RNPS1: variants seen among roughly 807,000 people sequenced by gnomAD.
RNPS1 encodes RNA-binding protein with serine-rich domain 1.
For missense variants in RNPS1, 300 were observed against 427.6 expected (o/e 0.70, Z 2.63); for synonymous variants, 147 against 150.0 (o/e 0.98, Z 0.15).
intron 1 of RNPS1, chr16:2,267,409 T>A: frequency 1.0e-6 from 1 of 979,202 alleles, no homozygotes; most frequent in Non-Finnish European, 1.2e-6. Context: ...AACCTTCCCG[T>A]ATCCGCCCCT....
Position 2,264,225 on chromosome 16 carries a change from C to T in RNPS1, c.178G>A (p.Asp60Asn), listed in dbSNP as rs1404425784. ...GCGCTGCGCCTCTTTCGGGTTTTGT[C>T]CCGGCCGCGATCCTTCTCACTCGAC... is the stretch of plus-strand genomic sequence containing the variant. ...KESSEKDRGR[D>N]KTRKRRSASS... Residue 60 changes from aspartate (D) to asparagine (N), a missense_variant, in exon 3 of 8, where the codon GAC (aspartate) becomes AAC (asparagine). Coordinates refer to ENST00000320225, the MANE Select transcript of RNPS1 (RefSeq NM_080594.4). 1 of 1,614,076 alleles carries T rather than the reference C, an allele frequency of 6.2e-7. No homozygotes were observed. Among genetic ancestry groups the T allele is most frequent in the Non-Finnish European group, 8.5e-7 (1 of 1,180,044 alleles).
At chr16:2,254,311 T>G (rs1391636545) in intron 7 of RNPS1, among the ~76,000 whole-genome samples, 1 of 151,960 alleles carries the variant, frequency 6.6e-6, no homozygotes, top group Non-Finnish European at 1.5e-5. Context: ...AATTTTTGTG[T>G]GTGTATATAT....
Position 2,264,717 on chromosome 16 carries a change from G to C in RNPS1, c.-74C>G. The stretch of plus-strand genomic sequence containing the variant: ...GAACTCTCACTTCTAACTTGATTCT[G>C]AGAAACGATCCCTAATCGATTGCAA... On this transcript the variant is annotated 5_prime_UTR_variant, in exon 2 of 8. Coordinates refer to ENST00000320225, the MANE Select transcript of RNPS1 (RefSeq NM_080594.4). 2 of 1,591,892 alleles carry C rather than the reference G, an allele frequency of 1.3e-6. No individual in the cohort carries two copies. The highest frequency in any genetic ancestry group is 8.5e-7 in the Non-Finnish European group (1 of 1,174,708).
At position 2,253,998 on chromosome 16, in the gene RNPS1, T is replaced by C. The variant is rs2093564401; in HGVS notation, c.884A>G (p.His295Arg). Reference protein sequence around the residue: ...RRSRSPGRRRHRSRSSSNSSR With the variant: ...RRSRSPGRRRRRSRSSSNSSR ...GGAGTTGGAGCTGGAGCGGCTCCTGTGGCGGCGGCGGCCCGGGGACCGTGA... is the reference window on the plus strand; with the variant it reads ...GGAGTTGGAGCTGGAGCGGCTCCTGCGGCGGCGGCGGCCCGGGGACCGTGA... Residue 295 changes from histidine to arginine, a missense_variant, in exon 8 of 8, where the codon CAC (histidine) becomes CGC (arginine). Physicochemically the swap from His to Arg is conservative, Grantham distance 29. Transcript: ENST00000320225. The C allele has an allele frequency of 2.6e-6, 4 of 1,539,606 alleles. No homozygotes were observed. Among genetic ancestry groups the C allele is most frequent in the Non-Finnish European group, 3.5e-6 (4 of 1,141,304 alleles).
chr16:2,264,085 G>A (rs2093614756), intron 3 of RNPS1, 91 bp downstream of exon 3: 1 of 1,463,740 alleles, frequency 6.8e-7, no homozygotes, highest in African/African-American at 1.4e-5. Context: ...TGTTTTCTTT[G>A]TAAATAATCA....
intron 1 of RNPS1, chr16:2,266,731 G>A (rs1299870044): frequency 4.1e-6 from 4 of 984,974 alleles, no homozygotes; most frequent in Admixed American, 6.2e-5. Flanking sequence ...ACCGTGTGAG[G>A]AGCCACAAGC....
chr16:2,259,016 G>A (rs1309613976), intron 6 of RNPS1, among the ~76,000 whole-genome samples: 1 of 151,738 alleles, frequency 6.6e-6, no homozygotes, highest in Non-Finnish European at 1.5e-5. Context: ...CCAGCTACTC[G>A]GGAGGCTAAG....
intron 1 of RNPS1, chr16:2,267,486 C>T (rs1254447802): frequency 9.9e-7 from 1 of 1,005,330 alleles, no homozygotes; most frequent in Admixed American, 6.1e-5. Context: ...ATCCCCACGG[C>T]CTAGCGCCGA....
rs754682033 is a variant in RNPS1 at position 2,255,641 on chromosome 16, C to T, written c.762G>A (p.Arg254=). 3 of 1,611,166 alleles carry T rather than the reference C, an allele frequency of 1.9e-6. No homozygotes were observed. The highest frequency in any genetic ancestry group is 4.5e-5 in the East Asian group (2 of 44,870). ...RPPPRRFSPP[R]RMLPPPPMWR... is the part of the protein sequence containing the mutation. ...ACATAGGCGGTGGTGGCAACATTCT[C>T]CTGGGAGGGCTGAATCTCCTGGGGG... is the stretch of plus-strand genomic sequence containing the variant. The change falls in exon 7 of 8, where the codon AGG becomes AGA. Residue 254 remains arginine (R), a synonymous_variant. Coordinates refer to ENST00000320225, the MANE Select transcript of RNPS1 (RefSeq NM_080594.4).
At chr16:2,258,154 G>C (rs149641776) in intron 6 of RNPS1, 1 of 152,304 alleles carries the variant, frequency 6.6e-6, no homozygotes, top group Non-Finnish European at 1.5e-5. Context: ...AGTAAATCCA[G>C]TCACTCAGCA....
chr16:2,261,154 A>C (rs1224968702), intron 6 of RNPS1, among the ~76,000 whole-genome samples: 1 of 152,144 alleles, frequency 6.6e-6, no homozygotes, highest in Non-Finnish European at 1.5e-5. Context: ...ATTGTTTCAA[A>C]AACTATAGTA....
rs1454871221 is a variant in RNPS1, at chr16:2,262,355, T to C, written c.599A>G (p.His200Arg). The change falls in exon 6 of 8, where the codon CAT (histidine) becomes CGT (arginine). Residue 200 changes from histidine (H) to arginine (R), a missense_variant. By Grantham distance (29) the His-to-Arg change is conservative. Transcript: ENST00000320225. ...IDMPVERMHP[H>R]LSKGYAYVEF... is the part of the protein sequence containing the mutation. ...TACGTACGCATAGCCTTTGGACAGA[T>C]GGGGATGCATCCTTTCCACGGGCAT... is the stretch of plus-strand genomic sequence containing the variant. 6.2e-7 allele frequency: 1 copy of C among 1,614,000 alleles called. No homozygotes were observed. Among genetic ancestry groups the C allele is most frequent in the Non-Finnish European group, 8.5e-7 (1 of 1,179,894 alleles).
intron 6 of RNPS1, chr16:2,258,759 A>G (rs753040202): frequency 2.0e-5 from 3 of 152,074 alleles, no homozygotes; most frequent in Non-Finnish European, 4.4e-5. Context: ...TGTAAAGAAA[A>G]TTCTGTATGT....
intron 5 of RNPS1, 63 bp downstream of exon 5, chr16:2,262,677 T>A: frequency 2.8e-6 from 4 of 1,410,404 alleles, no homozygotes; most frequent in Non-Finnish European, 4.0e-6. Flanking sequence ...TCTAAGTTCA[T>A]CTGCAGGCAC....
At chr16:2,266,652 C>G (rs1420787823) in intron 1 of RNPS1, 2 of 985,324 alleles carry the variant, frequency 2.0e-6, no homozygotes, top group African/African-American at 3.5e-5. Context: ...ACACTAATTT[C>G]TGAACTCTCA....
At chr16:2,260,234 C>T (rs1193722828) in intron 6 of RNPS1, among the ~76,000 whole-genome samples, 1 of 141,208 alleles carries the variant, frequency 7.1e-6, no homozygotes, top group Non-Finnish European at 1.5e-5. Context: ...TGGCTCGCTG[C>T]AATCCCTGCC....
chr16:2,256,800 A>G (rs2093580714), intron 6 of RNPS1: 1 of 152,242 alleles, frequency 6.6e-6, no homozygotes, highest in Non-Finnish European at 1.5e-5. Context: ...TGGGGCTAAG[A>G]GAAGTGGGAG....
intron 6 of RNPS1, 23 bp from the exon 7 acceptor site, chr16:2,255,749 A>G: frequency 6.2e-7 from 1 of 1,612,118 alleles, no homozygotes; most frequent in Non-Finnish European, 8.5e-7. Context: ...ACAGCAAGTC[A>G]TAAAATATCT....
At position 2,255,624 on chromosome 16, in the gene RNPS1, G is replaced by A. The variant is rs150457277; in HGVS notation, c.779C>T (p.Pro260Leu). The change falls in exon 7 of 8, where the codon CCG becomes CTG. Residue 260 changes from proline (P) to leucine (L), a missense_variant. Transcript: ENST00000320225. Reference protein sequence around the residue: ...FSPPRRMLPPPPMWRRSPPRM... With the variant: ...FSPPRRMLPPLPMWRRSPPRM... The stretch of plus-strand genomic sequence containing the variant: ...TGGGGGAGACCTGCGCCACATAGGC[G>A]GTGGTGGCAACATTCTCCTGGGAGG... The A allele has an allele frequency of 1.1e-4, 170 of 1,608,382 alleles. No homozygotes were observed. Among genetic ancestry groups the A allele is most frequent in the Non-Finnish European group, 1.3e-4 (149 of 1,177,488 alleles).
Sources: allele counts gnomAD v4.1 joint callset (sites outside exome capture counted in the v4.1 genomes callset), GRCh38; gene constraint gnomAD v4.1.1; transcripts MANE v1.5; gene names NCBI Gene and HGNC (gene_info 2026-07-23, HGNC 2026-07-21).